TMEM260: variants seen among roughly 807,000 people sequenced by gnomAD.
The protein encoded by TMEM260 is protein O-mannosyl-transferase TMEM260.
Under a neutral mutation model 88.9 loss-of-function variants are expected in TMEM260, and 82 were observed. The ratio of observed to expected loss-of-function variants is 0.92; its 90% confidence interval spans 0.77 to 1.11. The LOEUF is 1.11. TMEM260 is among the 50% of genes least tolerant of loss of function. TMEM260 has a pLI of 0.00. For synonymous variants in TMEM260, 314 were observed against 309.3 expected, an observed-to-expected ratio of 1.02 and a Z score of -0.16; for missense variants, 902 against 853.4, an observed-to-expected ratio of 1.06 and a Z score of -0.71.
intron 3 of TMEM260, among the ~76,000 whole-genome samples, chr14:56,600,755 G>A (rs1192588470): frequency 2.6e-5 from 4 of 152,122 alleles, no homozygotes; most frequent in African/African-American, 9.7e-5. Context: ...GATCCACTAC[G>A]CTTTTGTGTG....
At chr14:56,610,302 G>T (rs188741337) in intron 6 of TMEM260, among the ~76,000 whole-genome samples, 1 of 152,062 alleles carries the variant, frequency 6.6e-6, no homozygotes, top group Admixed American at 6.5e-5. Flanking sequence ...GTGCAGTGGC[G>T]CGATCTCAGC....
chr14:56,583,914 T>G (rs1345932846), intron 1 of TMEM260, among the ~76,000 whole-genome samples: 1 of 150,962 alleles, frequency 6.6e-6, no homozygotes, highest in Non-Finnish European at 1.5e-5. Flanking sequence ...AACGTCATGC[T>G]GAGGAATCTG....
At chr14:56,662,056 G>C in the TMEM260 span, among the ~76,000 whole-genome samples, 1 of 152,202 alleles carries the variant, frequency 6.6e-6, no homozygotes, top group Admixed American at 6.5e-5. Context: ...CTCAAAATCT[G>C]ATTGCTGTTA....
At chr14:56,590,999 G>C (rs1885820176) in intron 3 of TMEM260, among the ~76,000 whole-genome samples, 1 of 152,222 alleles carries the variant, frequency 6.6e-6, no homozygotes, top group South Asian at 2.1e-4. Flanking sequence ...GGGCTACATA[G>C]GCTGACTTTA....
intron 3 of TMEM260, among the ~76,000 whole-genome samples, chr14:56,594,836 A>G (rs183193418): frequency 6.6e-6 from 1 of 152,380 alleles, no homozygotes; most frequent in East Asian, 1.9e-4. Context: ...CAAAAGATTT[A>G]TGAATAATAT....
In TMEM260 at chr14:56,609,164, C is replaced by T; in HGVS notation, c.695C>T (p.Pro232Leu). The change falls in exon 6 of 16, where the codon CCC becomes CTC. Residue 232 changes from proline (P) to leucine (L), a missense_variant. Coordinates refer to ENST00000261556, the MANE Select transcript of TMEM260 (RefSeq NM_017799.4). ...LSLYFSAGLL[P>L]YVHLPISSYL... ...CTGTACTTCTCTGCTGGTTTGCTGC[C>T]CTATGTCCACCTTCCCATCTCATCT... 1.9e-6 allele frequency: 3 copies of T among 1,614,116 alleles called. No homozygotes were observed. Among genetic ancestry groups the T allele is most frequent in the Non-Finnish European group, 8.5e-7 (1 of 1,180,016 alleles).
chr14:56,621,722 A>G lies in TMEM260; in HGVS notation c.1398+20A>G. The stretch of plus-strand genomic sequence containing the variant: ...CAGGAAGTAAGTATATGAAAAATAT[A>G]CTTAGAATATAGCGATGATTTAAAA... On this transcript the variant is annotated intron_variant, in intron 11 of 15. Transcript: ENST00000261556. The G allele has an allele frequency of 6.3e-7, 1 of 1,583,982 alleles. No homozygotes were observed. The highest frequency in any genetic ancestry group is 8.6e-7 in the Non-Finnish European group (1 of 1,166,430).
chr14:56,637,660 G>A (rs1889215593), intron 15 of TMEM260, among the ~76,000 whole-genome samples: 1 of 152,210 alleles, frequency 6.6e-6, no homozygotes, highest in Non-Finnish European at 1.5e-5. Flanking sequence ...TCTTTAGACT[G>A]CTGTGGTTCT....
At chr14:56,635,061 G>T in intron 14 of TMEM260, 109 bp downstream of exon 14, 1 of 899,112 alleles carries the variant, frequency 1.1e-6, no homozygotes, top group Non-Finnish European at 1.8e-6. Flanking sequence ...AATAAAAATA[G>T]CATTTATGAG....
the TMEM260 span, among the ~76,000 whole-genome samples, chr14:56,658,890 C>A: frequency 4.5e-4 from 68 of 152,200 alleles, no homozygotes; most frequent in African/African-American, 1.6e-3. Context: ...GCCACCATGC[C>A]CAGCTAATTT....
Position 56,617,197 on chromosome 14 carries a change from C to T in TMEM260, c.956C>T (p.Pro319Leu), listed in dbSNP as rs1229872528. The change falls in exon 9 of 16, where the codon CCA becomes CTA. Residue 319 changes from proline to leucine, a missense_variant. Transcript: ENST00000261556. ...ATTTTTTGTAGGGACAGACAGAATCCATCATTAGTATGGCTTTTTACTGGA... is the reference window on the plus strand; with the variant it reads ...ATTTTTTGTAGGGACAGACAGAATCTATCATTAGTATGGCTTTTTACTGGA... ...ICLATKDRQNPSLVWLFTGMF... is the reference protein window; with the variant it reads ...ICLATKDRQNLSLVWLFTGMF... 3 of 1,591,632 alleles carry T rather than the reference C, an allele frequency of 1.9e-6. No individual in the cohort carries two copies. Among genetic ancestry groups the T allele is most frequent in the Admixed American group, 3.6e-5 (2 of 55,784 alleles).
downstream of TMEM260, among the ~76,000 whole-genome samples, chr14:56,655,167 G>A (rs555927969): frequency 1.3e-5 from 2 of 152,192 alleles, no homozygotes; most frequent in Admixed American, 6.5e-5. Context: ...TGAGGCGGGT[G>A]GATCATGAGA....
intron 14 of TMEM260, among the ~76,000 whole-genome samples, chr14:56,636,021 A>G (rs1316720967): frequency 1.3e-5 from 2 of 152,096 alleles, no homozygotes; most frequent in African/African-American, 4.8e-5. Context: ...CGGGGAAGAA[A>G]TCACATAAAA....
intron 3 of TMEM260, among the ~76,000 whole-genome samples, chr14:56,596,782 A>AAT (rs1458873715): frequency 1.2e-5 from 1 of 86,324 alleles, no homozygotes; most frequent in South Asian, 3.3e-4. Flanking sequence ...AAAAAAAAAA[A>AAT]TTAAAAAAAA....
At chr14:56,649,981 C>T (rs888211447), downstream of TMEM260, 7 of 369,596 alleles carry the variant, frequency 1.9e-5, no homozygotes, top group African/African-American at 1.3e-4. Context: ...GCTTCATTCC[C>T]AGATGAACTA....
chr14:56,616,162 G>C (rs1594852539), intron 8 of TMEM260, 135 bp downstream of exon 8: 3 of 615,804 alleles, frequency 4.9e-6, no homozygotes, highest in African/African-American at 3.7e-5. Context: ...TGTCTATTAA[G>C]ATAAACGTGT....
chr14:56,621,085 A>G (rs1463065646), intron 10 of TMEM260, among the ~76,000 whole-genome samples: 8 of 152,218 alleles, frequency 5.3e-5, no homozygotes, highest in Non-Finnish European at 1.0e-4. Flanking sequence ...TCTGCATGCA[A>G]GAAAATCATA....
At chr14:56,632,271 CTG>C (rs1888666176) in intron 12 of TMEM260, among the ~76,000 whole-genome samples, 1 of 152,168 alleles carries the variant, frequency 6.6e-6, no homozygotes, top group South Asian at 2.1e-4. Context: ...CTTCCTGTGA[CTG>C]TGTCTGCATC....
Position 56,647,427 on chromosome 14 carries a change from C to T in TMEM260, c.2054C>T (p.Ala685Val). Residue 685 changes from alanine (A) to valine (V), a missense_variant, in exon 16 of 16, where the codon GCT (alanine) becomes GTT (valine). Transcript: ENST00000261556. ...SQKAPNDPQQ[A>V]DILGALKHLR... ...AAAGCACCGAATGACCCACAGCAAG[C>T]TGATATTTTAGGTGCTCTAAAGCAC... is the stretch of plus-strand genomic sequence containing the variant. The T allele has an allele frequency of 6.2e-7, 1 of 1,614,142 alleles. No individual in the cohort carries two copies. Among genetic ancestry groups the T allele is most frequent in the Non-Finnish European group, 8.5e-7 (1 of 1,180,030 alleles).
Sources: gnomAD v4.1 joint callset for allele counts (sites outside exome capture counted in the v4.1 genomes callset) on GRCh38, gnomAD v4.1.1 for gene constraint, MANE v1.5 for transcripts, NCBI Gene and HGNC (gene_info 2026-07-23, HGNC 2026-07-21) for gene names.